Variants in MSRA observed in about 807,000 individuals in gnomAD.
MSRA encodes methionine sulfoxide reductase A.
In MSRA, 54 loss-of-function variants were observed where a neutral mutation model predicts 31.3. The ratio of observed to expected loss-of-function variants is 1.73; its 90% confidence interval spans 1.39 to 2.17. The LOEUF (loss-of-function observed/expected upper bound fraction) is 2.17. MSRA is among the 30% of genes most tolerant of loss of function. The probability of loss-of-function intolerance (pLI) is 0.00; values close to 1 mark genes in which losing one functional copy is unlikely to be tolerated. For missense variants in MSRA, 507 were observed against 300.9 expected (o/e 1.69, Z -5.07); for synonymous variants, 169 against 116.5 (o/e 1.45, Z -2.90).
intron 5 of MSRA, among the ~76,000 whole-genome samples, chr8:10,328,574 A>T (rs1802512878): frequency 2.6e-5 from 4 of 152,084 alleles, no homozygotes; most frequent in African/African-American, 9.7e-5. Flanking sequence ...TCCCTGTGTC[A>T]GCATCTTCCA....
chr8:10,094,350 CTT>C (rs1460378985), intron 1 of MSRA, among the ~76,000 whole-genome samples: 1 of 152,192 alleles, frequency 6.6e-6, no homozygotes, highest in African/African-American at 2.4e-5. Context: ...GTATGCAAGA[CTT>C]TGAGTTTTCT....
chr8:10,309,963 T>G (rs550699972), intron 4 of MSRA, among the ~76,000 whole-genome samples: 3 of 152,218 alleles, frequency 2.0e-5, no homozygotes, highest in South Asian at 4.1e-4. Context: ...TGGGAAACAT[T>G]CATTGAAGGG....
chr8:10,056,755 ATTG>A (rs1802396169), intron 1 of MSRA, among the ~76,000 whole-genome samples: 1 of 152,086 alleles, frequency 6.6e-6, no homozygotes, highest in African/African-American at 2.4e-5. Flanking sequence ...AGGATTTAGT[ATTG>A]TTCTGAATGT....
chr8:10,096,269 G>A (rs968269389), intron 1 of MSRA: 2 of 1,166,088 alleles, frequency 1.7e-6, no homozygotes, highest in Admixed American at 4.5e-5. Flanking sequence ...CTGAAGACCA[G>A]AAAGGCAAGC....
chr8:10,307,721 G>T (rs1381925743), intron 4 of MSRA, among the ~76,000 whole-genome samples: 1 of 152,206 alleles, frequency 6.6e-6, no homozygotes, highest in Non-Finnish European at 1.5e-5. Flanking sequence ...CCTTCCCAGA[G>T]GACTGTGGTC....
rs1055647445 is a variant in MSRA, at chr8:10,324,987, G to A, written c.543+4998G>A. 2.0e-5 allele frequency among the ~76,000 whole-genome samples: 3 copies of A among 152,174 alleles called. No individual in the cohort carries two copies. In the East Asian group the frequency reaches 5.8e-4, roughly 29 times the overall value. ...GGCACATGGCGTTGAGTGTAAGATTGGGCAATGCAGGTGCATAAAAGCTGC... is the reference window on the plus strand; with the variant it reads ...GGCACATGGCGTTGAGTGTAAGATTAGGCAATGCAGGTGCATAAAAGCTGC... On this transcript the variant is annotated intron_variant, in intron 5 of 5. Transcript: ENST00000317173.
At chr8:10,212,850 T>C (rs1249704251) in intron 2 of MSRA, among the ~76,000 whole-genome samples, 1 of 152,178 alleles carries the variant, frequency 6.6e-6, no homozygotes. Flanking sequence ...AAAAAAACAT[T>C]CTGCTAAGTC....
At chr8:10,107,287 C>G (rs977928982) in intron 1 of MSRA, among the ~76,000 whole-genome samples, 7 of 151,428 alleles carry the variant, frequency 4.6e-5, no homozygotes, top group Non-Finnish European at 1.0e-4. Flanking sequence ...TAATTTAACA[C>G]TTAAGTATAG....
chr8:10,092,526 C>T (rs1245813375), intron 1 of MSRA, among the ~76,000 whole-genome samples: 10 of 152,050 alleles, frequency 6.6e-5, no homozygotes, highest in Non-Finnish European at 1.2e-4. Flanking sequence ...GGCATGGTGG[C>T]GCACGCCTTT....
chr8:10,361,290 A>G (rs771576508), intron 5 of MSRA, among the ~76,000 whole-genome samples: 7 of 152,226 alleles, frequency 4.6e-5, no homozygotes, highest in Non-Finnish European at 1.0e-4. Flanking sequence ...GTTATGAGTC[A>G]TATTAATAAT....
intron 1 of MSRA, among the ~76,000 whole-genome samples, chr8:10,200,124 G>A (rs1223168117): frequency 2.6e-5 from 4 of 152,172 alleles, no homozygotes; most frequent in East Asian, 1.9e-4. Flanking sequence ...GCTGGGCATC[G>A]GCTCCATTAC....
At chr8:10,159,274 G>T (rs547811878) in intron 1 of MSRA, among the ~76,000 whole-genome samples, 1 of 152,226 alleles carries the variant, frequency 6.6e-6, no homozygotes, top group Non-Finnish European at 1.5e-5. Context: ...TGACAGAGGG[G>T]ACAGAGCAGG....
chr8:10,170,263 A>T (rs915848162), intron 1 of MSRA, among the ~76,000 whole-genome samples: 1 of 152,068 alleles, frequency 6.6e-6, no homozygotes, highest in African/African-American at 2.4e-5. Context: ...CAATGTGATG[A>T]TATCAGGAAG....
At chr8:10,239,162 A>T (rs550858613) in intron 2 of MSRA, among the ~76,000 whole-genome samples, 3 of 152,148 alleles carry the variant, frequency 2.0e-5, no homozygotes, top group Admixed American at 1.3e-4. Context: ...TATGTATATG[A>T]CATAATTTTT....
chr8:10,294,990 G>A (rs1417546700), intron 3 of MSRA, among the ~76,000 whole-genome samples: 4 of 152,154 alleles, frequency 2.6e-5, no homozygotes, highest in Non-Finnish European at 1.5e-5. Flanking sequence ...GTTGCTGAGA[G>A]ACCAAAGAAT....
At chr8:10,287,983 T>G (rs538249739) in intron 3 of MSRA, among the ~76,000 whole-genome samples, 2 of 152,104 alleles carry the variant, frequency 1.3e-5, no homozygotes, top group Non-Finnish European at 2.9e-5. Context: ...AATCCTGTTT[T>G]GGCTGCATCC....
At chr8:10,281,422 C>G (rs73534552) in intron 3 of MSRA, among the ~76,000 whole-genome samples, 2,345 of 152,244 alleles carry the variant, frequency 0.015, 60 homozygotes, top group African/African-American at 0.054. Flanking sequence ...TTTTCCAGTT[C>G]CCACCCTCAT....
intron 3 of MSRA, among the ~76,000 whole-genome samples, chr8:10,284,645 C>T (rs1161917643): frequency 6.6e-6 from 1 of 152,140 alleles, no homozygotes; most frequent in Admixed American, 6.6e-5. Context: ...TCCTCATCTT[C>T]CTTCTTTAGC....
chr8:10,197,501 C>T (rs74823553), intron 1 of MSRA, among the ~76,000 whole-genome samples: 7 of 152,158 alleles, frequency 4.6e-5, no homozygotes, highest in South Asian at 4.2e-4. Flanking sequence ...TCGGGCATTG[C>T]GGGCTGGTGA....
Sources: allele counts gnomAD v4.1 joint callset (sites outside exome capture counted in the v4.1 genomes callset), GRCh38; gene constraint gnomAD v4.1.1; transcripts MANE v1.5; gene names NCBI Gene and HGNC (gene_info 2026-07-23, HGNC 2026-07-21).